SERPINI1: variants seen among roughly 807,000 people sequenced by gnomAD.
The protein encoded by SERPINI1 is serpin family I member 1.
In SERPINI1, 19 loss-of-function variants were observed where a neutral mutation model predicts 41.1. The observed-to-expected ratio is 0.46, with a 90% confidence interval of 0.32 to 0.68. SERPINI1 has a LOEUF of 0.68. Ranked by LOEUF, SERPINI1 falls within the 30% of genes least tolerant of loss-of-function variation. The pLI is 0.03. For synonymous variants in SERPINI1, 138 were observed against 156.6 expected, an observed-to-expected ratio of 0.88 and a Z score of 0.89; for missense variants, 460 against 479.2, an observed-to-expected ratio of 0.96 and a Z score of 0.37.
intron 1 of SERPINI1, among the ~76,000 whole-genome samples, chr3:167,744,533 T>C (rs147139523): frequency 0.014 from 2,150 of 148,870 alleles, 55 homozygotes; most frequent in African/African-American, 0.05. Context: ...AAGAGCCAAA[T>C]GACCTAAGTG....
chr3:167,816,270 G>A lies in SERPINI1; in HGVS notation c.980-6716G>A, dbSNP rs182230764. Among the ~76,000 whole-genome samples the A allele has an allele frequency of 1.5e-4, 23 of 151,812 alleles. No individual in the cohort carries two copies. The Middle Eastern group carries it at 0.01, about 67-fold the overall frequency. ...TGGTATCCGACTCCTGGGCTCAAGC[G>A]ATCAGCCCCAAGCGATCAGCCTGCC... On this transcript the variant is annotated intron_variant, in intron 6 of 8. Transcript: ENST00000446050.
At chr3:167,782,683 G>A (rs1489574632) in intron 1 of SERPINI1, among the ~76,000 whole-genome samples, 2 of 152,174 alleles carry the variant, frequency 1.3e-5, no homozygotes, top group African/African-American at 4.8e-5. Flanking sequence ...TGTGCTATTG[G>A]AGAGGTAGAG....
intron 3 of SERPINI1, among the ~76,000 whole-genome samples, chr3:167,792,116 CTGTT>C (rs552706885): frequency 6.6e-6 from 1 of 152,062 alleles, no homozygotes; most frequent in African/African-American, 2.4e-5. Flanking sequence ...CACAGAGAGA[CTGTT>C]TGTAAAACAA....
intron 1 of SERPINI1, among the ~76,000 whole-genome samples, chr3:167,761,734 CT>C (rs922484288): frequency 6.6e-6 from 1 of 152,158 alleles, no homozygotes; most frequent in Non-Finnish European, 1.5e-5. Context: ...TAGAAACTCA[CT>C]TCTGGGGTGC....
intron 1 of SERPINI1, among the ~76,000 whole-genome samples, chr3:167,768,115 A>C (rs1726625827): frequency 6.6e-6 from 1 of 152,172 alleles, no homozygotes; most frequent in South Asian, 2.1e-4. Context: ...GAGTCCATAG[A>C]TGTGGCAAAC....
chr3:167,817,757 C>T (rs1712156022), intron 6 of SERPINI1, among the ~76,000 whole-genome samples: 1 of 135,336 alleles, frequency 7.4e-6, no homozygotes, highest in Admixed American at 6.9e-5. Context: ...ACCACCACGC[C>T]TGGCTAATTT....
chr3:167,736,080 T>G (rs1441192994), intron 1 of SERPINI1: 1 of 152,230 alleles, frequency 6.6e-6, no homozygotes, highest in Non-Finnish European at 1.5e-5. Flanking sequence ...ATCTGAAGAT[T>G]GAGAAAAATC....
intron 1 of SERPINI1, among the ~76,000 whole-genome samples, chr3:167,772,864 C>CTCTCTCTCTCTCTCTCTCTATATA (rs1374013676): frequency 4.1e-5 from 1 of 24,644 alleles, no homozygotes; most frequent in Non-Finnish European, 6.5e-5. Context: ...CTCTCTCTCT[C>CTCTCTCTCTCTCTCTCTCTATATA]TATATATATA....
At chr3:167,803,048 A>G (rs1040591121) in intron 5 of SERPINI1, among the ~76,000 whole-genome samples, 14 of 151,492 alleles carry the variant, frequency 9.2e-5, no homozygotes, top group Non-Finnish European at 1.6e-4. Context: ...AACACCGCAT[A>G]TTCTCACTCA....
intron 1 of SERPINI1, 82 bp from the exon 2 acceptor site, chr3:167,789,029 G>A: frequency 7.2e-7 from 1 of 1,380,744 alleles, no homozygotes; most frequent in East Asian, 2.4e-5. Flanking sequence ...CTTTTTAAAA[G>A]TAGAACCTCC....
At chr3:167,782,687 G>C (rs1727176392) in intron 1 of SERPINI1, among the ~76,000 whole-genome samples, 2 of 152,134 alleles carry the variant, frequency 1.3e-5, no homozygotes, top group South Asian at 4.1e-4. Context: ...CTATTGGAGA[G>C]GTAGAGATAA....
intron 6 of SERPINI1, among the ~76,000 whole-genome samples, chr3:167,811,598 G>A (rs1409475410): frequency 6.6e-6 from 1 of 152,146 alleles, no homozygotes; most frequent in African/African-American, 2.4e-5. Flanking sequence ...ACGGGACAGA[G>A]GCTTTAGATG....
At chr3:167,762,166 G>A (rs1726404022) in intron 1 of SERPINI1, among the ~76,000 whole-genome samples, 1 of 152,050 alleles carries the variant, frequency 6.6e-6, no homozygotes, top group Admixed American at 6.6e-5. Context: ...CTGTACCCAT[G>A]TACTTTACCT....
chr3:167,744,790 A>ATATATAATATATATAT (rs1491011521), intron 1 of SERPINI1, among the ~76,000 whole-genome samples: 146 of 54,956 alleles, frequency 2.7e-3, no homozygotes, highest in African/African-American at 0.013. Flanking sequence ...AACTATGGTT[A>ATATATAATATATATAT]TATATATATA....
chr3:167,762,648 T>C (rs377269532), intron 1 of SERPINI1, among the ~76,000 whole-genome samples: 6 of 152,188 alleles, frequency 3.9e-5, no homozygotes, highest in African/African-American at 1.4e-4. Flanking sequence ...GTTTAGCTTC[T>C]TCACCTTCCT....
chr3:167,820,209 G>A lies in SERPINI1; in HGVS notation c.980-2777G>A, dbSNP rs544252586. Among the ~76,000 whole-genome samples the A allele has an allele frequency of 2.6e-5, 4 of 152,320 alleles. No homozygotes were observed. The East Asian group carries it at 5.8e-4, about 22-fold the overall frequency. On this transcript the variant is annotated intron_variant, in intron 6 of 8. Coordinates refer to ENST00000446050, the MANE Select transcript of SERPINI1 (RefSeq NM_001122752.2). ...GGTATATTAGTCATATTTACATGAT[G>A]GCAGTGGTGGCCTGTCTGGAGTGGC...
At chr3:167,805,547 G>A (rs1385534136) in intron 5 of SERPINI1, among the ~76,000 whole-genome samples, 1 of 152,152 alleles carries the variant, frequency 6.6e-6, no homozygotes, top group African/African-American at 2.4e-5. Flanking sequence ...AGTTTAGTTA[G>A]ATCCCATTTG....
chr3:167,767,946 A>C (rs1726618480), intron 1 of SERPINI1, among the ~76,000 whole-genome samples: 1 of 152,214 alleles, frequency 6.6e-6, no homozygotes, highest in Non-Finnish European at 1.5e-5. Flanking sequence ...TGCTGTGAAC[A>C]TTGTTGAAAT....
At chr3:167,817,971 G>A (rs1266038781) in intron 6 of SERPINI1, among the ~76,000 whole-genome samples, 13 of 151,908 alleles carry the variant, frequency 8.6e-5, no homozygotes, top group Non-Finnish European at 1.5e-4. Flanking sequence ...AAAATTATTC[G>A]CATAAAAAAG....
Sources: gnomAD v4.1 joint callset for allele counts (sites outside exome capture counted in the v4.1 genomes callset) on GRCh38, gnomAD v4.1.1 for gene constraint, MANE v1.5 for transcripts, NCBI Gene and HGNC (gene_info 2026-07-23, HGNC 2026-07-21) for gene names.